The following STK36 variants were observed in gnomAD, a reference collection of about 807,000 sequenced individuals.
STK36 encodes serine/threonine kinase 36, also known as serine/threonine-protein kinase 36.
STK36 carries 116 observed loss-of-function variants against 142.2 expected under a neutral mutation model. That is an observed-to-expected ratio of 0.82 (90% CI 0.70 to 0.95). STK36 has a LOEUF of 0.95. Ranked by LOEUF, STK36 falls within the 40% of genes least tolerant of loss-of-function variation. The pLI, the probability that STK36 is intolerant of heterozygous loss-of-function variation, is 0.00. For synonymous variants in STK36, 619 were observed against 641.7 expected (o/e 0.96, Z 0.53); for missense variants, 1,422 against 1,617.2 (o/e 0.88, Z 2.07).
Position 218,689,929 on chromosome 2 carries a change from A to G in STK36, c.1631A>G (p.Asn544Ser). 1.9e-6 allele frequency: 3 copies of G among 1,600,164 alleles called. No homozygotes were observed. The highest frequency in any genetic ancestry group is 2.6e-6 in the Non-Finnish European group (3 of 1,172,472). The change falls in exon 13 of 27, where the codon AAT becomes AGT. Residue 544 changes from asparagine to serine, a missense_variant. Asn to Ser is a conservative substitution (Grantham distance 46). Transcript: ENST00000295709. ...CAGGCCTACTTTGCCTGTACCTTCAATCTGGAGAGGAGCCAGACAAGTGAC... is the reference window on the plus strand; with the variant it reads ...CAGGCCTACTTTGCCTGTACCTTCAGTCTGGAGAGGAGCCAGACAAGTGAC... Reference protein sequence around the residue: ...VIQAYFACTFNLERSQTSDSL... With the variant: ...VIQAYFACTFSLERSQTSDSL...
chr2:218,675,256 C>A, intron 4 of STK36, 87 bp from the exon 5 acceptor site: 1 of 1,411,982 alleles, frequency 7.1e-7, no homozygotes, highest in Non-Finnish European at 9.7e-7. Context: ...AAAAGATTAG[C>A]AGTAATATTA....
At chr2:218,695,415 A>T (rs1200345036) in intron 21 of STK36, among the ~76,000 whole-genome samples, 1 of 147,404 alleles carries the variant, frequency 6.8e-6, no homozygotes, top group Non-Finnish European at 1.5e-5. Flanking sequence ...TAGTAGAGAC[A>T]GGGTTTCTCC....
At chr2:218,699,369 G>A in intron 26 of STK36, 21 bp downstream of exon 26, 2 of 1,603,080 alleles carry the variant, frequency 1.2e-6, no homozygotes, top group Non-Finnish European at 1.7e-6. Flanking sequence ...CAGCACTTAT[G>A]AACCATGATG....
At position 218,694,223 on chromosome 2, in the gene STK36, T is replaced by G; in HGVS notation, c.2337-41T>G. The G allele has an allele frequency of 6.4e-7, 1 of 1,570,830 alleles. No homozygotes were observed. The highest frequency in any genetic ancestry group is 8.8e-7 in the Non-Finnish European group (1 of 1,140,694). Reference sequence around the variant, plus strand: ...GAGGGGAGGCCGCTTACCAACCTCCTTTAATACTGCTGCATCCCTTGATGT... The same window carrying G: ...GAGGGGAGGCCGCTTACCAACCTCCGTTAATACTGCTGCATCCCTTGATGT... On this transcript the variant is annotated intron_variant, in intron 19 of 26. Coordinates refer to ENST00000295709, the MANE Select transcript of STK36 (RefSeq NM_015690.5). The surrounding 1 kb of genome is among the most constrained non-coding windows in gnomAD (Gnocchi z 4.4).
rs1941317395 is a variant in STK36, at chr2:218,698,479, A to G, written c.3058-123A>G. ...CTCATGTGGAGTGCTGTGGGGCAGG[A>G]CTTCCAGCTCTCTGTGGCATTTCTC... is the stretch of plus-strand genomic sequence containing the variant. On this transcript the variant is annotated intron_variant, in intron 25 of 26. Transcript: ENST00000295709. The G allele has an allele frequency of 3.3e-6, 4 of 1,228,798 alleles. No homozygotes were observed. The South Asian group carries it at 5.9e-5, about 18-fold the overall frequency. 76.1% of individuals were successfully genotyped at this position (1,228,798 alleles called of 1,614,324 possible).
intron 22 of STK36, 197 bp downstream of exon 22, chr2:218,696,798 A>G: frequency 1.1e-6 from 1 of 894,240 alleles, no homozygotes; most frequent in East Asian, 2.4e-5. Flanking sequence ...GTCCCCTGGG[A>G]TCCAGTGGGA....
chr2:218,679,962 C>T lies in STK36; in HGVS notation c.1018C>T (p.Pro340Ser), dbSNP rs1303995645. Reference sequence around the variant, plus strand: ...CAGCAAGGTGGCTCCTGGCACAGCCCCTCTGCCCAGACTCGGGGCCACTCC... The same window carrying T: ...CAGCAAGGTGGCTCCTGGCACAGCCTCTCTGCCCAGACTCGGGGCCACTCC... ...KTSKVAPGTA[P>S]LPRLGATPQE... is the part of the protein sequence containing the mutation. Residue 340 changes from proline to serine, a missense_variant, in exon 9 of 27, where the codon CCT (proline) becomes TCT (serine). Physicochemically the swap from Pro to Ser is moderately conservative, Grantham distance 74. Around this residue, in one of 2 missense-constraint regions of STK36, gnomAD observed 460 missense variants for 449.6 expected, o/e 1.02. Transcript: ENST00000295709. 1.2e-6 allele frequency: 2 copies of T among 1,614,194 alleles called. No individual in the cohort carries two copies. The highest frequency in any genetic ancestry group is 1.1e-5 in the South Asian group (1 of 91,080).
rs554389764 is a variant in STK36, at chr2:218,692,129, C to T, written c.1765-14C>T. The T allele has an allele frequency of 2.5e-6, 4 of 1,612,508 alleles. No homozygotes were observed. The African/African-American group carries it at 5.3e-5, about 21-fold the overall frequency. On this transcript the variant is annotated splice_polypyrimidine_tract_variant and intron_variant, in intron 14 of 26. Coordinates refer to ENST00000295709, the MANE Select transcript of STK36 (RefSeq NM_015690.5). ...CTGATGCCCTGATGCTACCTCTGCACTTCTCTCCTTTAGTGCTTTACTGTC... is the reference window on the plus strand; with the variant it reads ...CTGATGCCCTGATGCTACCTCTGCATTTCTCTCCTTTAGTGCTTTACTGTC...
Position 218,694,358 on chromosome 2 carries a change from T to C in STK36, c.2400+31T>C. 1 of 1,600,904 alleles carries C rather than the reference T, an allele frequency of 6.2e-7. No individual in the cohort carries two copies. Among genetic ancestry groups the C allele is most frequent in the Non-Finnish European group, 8.6e-7 (1 of 1,168,030 alleles). On this transcript the variant is annotated intron_variant, in intron 20 of 26. Coordinates refer to ENST00000295709, the MANE Select transcript of STK36 (RefSeq NM_015690.5). This position sits in a 1 kb window ranked among gnomAD's most constrained non-coding sequence, Gnocchi z 4.4. ...TTTTTAACCTTCACCCTCCTCCCCT[T>C]TTCACCCTAGCATCTACCCCTTGTG...
chr2:218,690,642 G>C (rs1424246112), intron 14 of STK36, 87 bp downstream of exon 14: 1 of 1,058,660 alleles, frequency 9.4e-7, no homozygotes, highest in Non-Finnish European at 1.4e-6. Context: ...TGTAGGGTCA[G>C]ATCAAGTTAA....
At chr2:218,701,750 T>C in intron 26 of STK36, 116 bp from the exon 27 acceptor site, 1 of 1,320,882 alleles carries the variant, frequency 7.6e-7, no homozygotes, top group Non-Finnish European at 1.0e-6. Context: ...CATTTCCTTT[T>C]TCTTCCTCTT....
At position 218,680,099 on chromosome 2, in the gene STK36, G is replaced by A. The variant is rs765393853; in HGVS notation, c.1136+19G>A. On this transcript the variant is annotated intron_variant, in intron 9 of 26. Coordinates refer to ENST00000295709, the MANE Select transcript of STK36 (RefSeq NM_015690.5). ...CACCTCGGTGAGAAGGGTATAGTTA[G>A]GGATTTGTAGGGTGAGGTATCTTGC... 1.2e-6 allele frequency: 2 copies of A among 1,609,692 alleles called. No individual in the cohort carries two copies. Among genetic ancestry groups the A allele is most frequent in the Non-Finnish European group, 1.7e-6 (2 of 1,177,842 alleles).
Position 218,673,895 on chromosome 2 carries a change from A to AC in STK36, c.243dup (p.Tyr82LeufsTer3). On this transcript the variant is annotated frameshift_variant, in exon 4 of 27. Transcript: ENST00000295709. LOFTEE classifies it high-confidence loss of function. ...TCTCTGTAGGTGGTGGTGGTGACAG[A>AC]CTATGCTGAGGGAGAGCTCTTTCAG... The AC allele has an allele frequency of 1.2e-6, 2 of 1,614,158 alleles. No homozygotes were observed. The highest frequency in any genetic ancestry group is 1.7e-6 in the Non-Finnish European group (2 of 1,180,038).
rs1941024710 is a variant in STK36, at chr2:218,692,149, A to G, written c.1771A>G (p.Thr591Ala). 6.2e-7 allele frequency: 1 copy of G among 1,613,976 alleles called. No individual in the cohort carries two copies. The highest frequency in any genetic ancestry group is 1.3e-5 in the African/African-American group (1 of 74,894). The change falls in exon 15 of 27, where the codon ACT (threonine) becomes GCT (alanine). Residue 591 changes from threonine to alanine, a missense_variant. This residue lies in a region of STK36 where 962 missense variants were observed against 1,167.5 expected (regional missense o/e 0.82). Transcript: ENST00000295709. ...CTGCACTTCTCTCCTTTAGTGCTTT[A>G]CTGTCCTGTGCGAAGCCATGGATGG... ...TLRRDSLMCF[T>A]VLCEAMDGNS...
rs778915616 is a variant in STK36, at chr2:218,692,351, C to T, written c.1915+58C>T. 31 of 1,601,560 alleles carry T rather than the reference C, an allele frequency of 1.9e-5. No homozygotes were observed. In the Admixed American group the frequency reaches 2.0e-4, roughly 11 times the overall value. On this transcript the variant is annotated intron_variant, in intron 15 of 26. Coordinates refer to ENST00000295709, the MANE Select transcript of STK36 (RefSeq NM_015690.5). Reference sequence around the variant, plus strand: ...CTTACTTGTTGCATAGGTCAGGCTCCGCTCTTTCTATTGCCATCACCTAGA... The same window carrying T: ...CTTACTTGTTGCATAGGTCAGGCTCTGCTCTTTCTATTGCCATCACCTAGA...
chr2:218,677,386 G>A (rs1262945340), intron 6 of STK36, among the ~76,000 whole-genome samples: 1 of 152,162 alleles, frequency 6.6e-6, no homozygotes, highest in Admixed American at 6.5e-5. Context: ...ATTTGGACGG[G>A]GACACAAATC....
intron 10 of STK36, among the ~76,000 whole-genome samples, chr2:218,683,361 G>A (rs1461108332): frequency 2.7e-5 from 4 of 150,890 alleles, no homozygotes; most frequent in African/African-American, 9.8e-5. Context: ...TGCAACCGCC[G>A]CCTCCCAGGT....
In STK36 at chr2:218,688,805, C is replaced by T. The variant is rs146493276; in HGVS notation, c.1489C>T (p.Arg497Trp). 6.2e-6 allele frequency: 10 copies of T among 1,613,922 alleles called. No homozygotes were observed. Among genetic ancestry groups the T allele is most frequent in the East Asian group, 4.5e-5 (2 of 44,874 alleles). The change falls in exon 12 of 27, where the codon CGG (arginine) becomes TGG (tryptophan). Residue 497 changes from arginine to tryptophan, a missense_variant. Transcript: ENST00000295709. ...SDSVALYSFCREAGLPGLLLS... is the reference protein window; with the variant it reads ...SDSVALYSFCWEAGLPGLLLS... Reference sequence around the variant, plus strand: ...TTCTGTTGCCTTGTATTCCTTCTGCCGGGAGGCAGGGCTTCCTGGGCTGCT... The same window carrying T: ...TTCTGTTGCCTTGTATTCCTTCTGCTGGGAGGCAGGGCTTCCTGGGCTGCT...
chr2:218,695,819 T>G (rs1941212451), intron 21 of STK36, among the ~76,000 whole-genome samples: 3 of 150,448 alleles, frequency 2.0e-5, no homozygotes, highest in South Asian at 2.1e-4. Flanking sequence ...ATTACAGGAA[T>G]GAGCCACTGT....
Sources: allele counts gnomAD v4.1 joint callset (sites outside exome capture counted in the v4.1 genomes callset), GRCh38; gene constraint gnomAD v4.1.1; regional missense constraint gnomAD v4.1.1; non-coding constraint Gnocchi (gnomAD v3.1); transcripts MANE v1.5; gene names NCBI Gene and HGNC (gene_info 2026-07-23, HGNC 2026-07-21).